SLC30A8: variants seen among roughly 807,000 people sequenced by gnomAD.
SLC30A8 encodes proton-coupled zinc antiporter SLC30A8.
In SLC30A8, 27 loss-of-function variants were observed where a neutral mutation model predicts 36.9. The observed-to-expected ratio is 0.73, with a 90% CI of 0.54 to 1.01. SLC30A8 has a LOEUF of 1.01. Among genes scored for constraint, SLC30A8 ranks in the 50% least tolerant of loss-of-function variants. The probability of loss-of-function intolerance (pLI) is 0.00; values close to 1 mark genes in which losing one functional copy is unlikely to be tolerated. For missense variants in SLC30A8, 439 were observed against 452.0 expected, an observed-to-expected ratio of 0.97 and a Z score of 0.26; for synonymous variants, 164 against 172.4, an observed-to-expected ratio of 0.95 and a Z score of 0.38.
chr8:117,110,209 C>G, intron 2 of SLC30A8, among the ~76,000 whole-genome samples: 1 of 152,060 alleles, frequency 6.6e-6, no homozygotes, highest in East Asian at 1.9e-4. Flanking sequence ...TTGAGGCTTG[C>G]TCAAATTCTT....
At chr8:117,037,597 C>G (rs935485449) in intron 1 of SLC30A8, among the ~76,000 whole-genome samples, 8 of 152,140 alleles carry the variant, frequency 5.3e-5, no homozygotes, top group African/African-American at 1.7e-4. Flanking sequence ...CATTGAGAAG[C>G]TCCCCCTCCC....
In SLC30A8 at chr8:117,080,182, T is replaced by C. The variant is rs141839971; in HGVS notation, c.-226+40924T>C. ...TTTTTTTTAAGATTCATTTTTACTC[T>C]TGTTTTACAAATAATCCATGGTCAT... On this transcript the variant is annotated intron_variant, in intron 2 of 10. Transcript: ENST00000427715. Among the ~76,000 whole-genome samples the C allele has an allele frequency of 3.4e-3, 520 of 152,312 alleles. 5 individuals are homozygous for C. Among genetic ancestry groups the C allele is most frequent in the African/African-American group, 0.012 (483 of 41,574 alleles).
At chr8:117,166,541 A>G (rs1823064853) in intron 6 of SLC30A8, among the ~76,000 whole-genome samples, 1 of 152,152 alleles carries the variant, frequency 6.6e-6, no homozygotes, top group Admixed American at 6.5e-5. Flanking sequence ...TTGAGTCAGT[A>G]TATCTTATTG....
At chr8:116,984,004 T>G (rs1815360129) in intron 1 of SLC30A8, among the ~76,000 whole-genome samples, 1 of 152,160 alleles carries the variant, frequency 6.6e-6, no homozygotes, top group South Asian at 2.1e-4. Context: ...TTCCTCACCC[T>G]TAACCTCTAG....
chr8:117,044,078 A>G (rs1025449003), intron 2 of SLC30A8, among the ~76,000 whole-genome samples: 1 of 151,970 alleles, frequency 6.6e-6, no homozygotes, highest in African/African-American at 2.4e-5. Context: ...TTGTGAGGGG[A>G]CTCTCATTAG....
Position 116,971,303 on chromosome 8 carries a change from G to GA in SLC30A8, c.-266+20195dup, listed in dbSNP as rs552922981. ...AATGTTATAGAGGCATTCCCTGTAG[G>GA]AAAAAAAAAAACAAAAACACATCAA... On this transcript the variant is annotated intron_variant, in intron 1 of 10. Transcript: ENST00000427715. Among the ~76,000 whole-genome samples the GA allele has an allele frequency of 3.8e-3, 543 of 143,720 alleles. 3 individuals carry two copies. Among genetic ancestry groups the GA allele is most frequent in the Middle Eastern group, 0.011 (3 of 282 alleles). The allele number at this position is 143,720 out of a possible 152,430, so 94.3% of individuals were successfully genotyped here.
chr8:117,053,630 T>C (rs1354199389), intron 2 of SLC30A8, among the ~76,000 whole-genome samples: 1 of 152,134 alleles, frequency 6.6e-6, no homozygotes, highest in African/African-American at 2.4e-5. Flanking sequence ...GACAAGCAAA[T>C]CATGGTAGAA....
intron 2 of SLC30A8, among the ~76,000 whole-genome samples, chr8:117,115,211 A>AT (rs1371812183): frequency 6.6e-6 from 1 of 151,916 alleles, no homozygotes; most frequent in African/African-American, 2.4e-5. Context: ...AACTGTTGGG[A>AT]TTATAGGTGT....
intron 2 of SLC30A8, among the ~76,000 whole-genome samples, chr8:117,044,556 G>T (rs554607861): frequency 1.3e-5 from 2 of 152,186 alleles, no homozygotes; most frequent in African/African-American, 4.8e-5. Context: ...TCCCTAAGGC[G>T]TGTCAGCGGG....
chr8:117,070,694 C>T (rs1420413320), intron 2 of SLC30A8, among the ~76,000 whole-genome samples: 1 of 152,166 alleles, frequency 6.6e-6, no homozygotes, highest in Non-Finnish European at 1.5e-5. Context: ...ATTCCCCTGT[C>T]TATCTAAAAC....
intron 1 of SLC30A8, among the ~76,000 whole-genome samples, chr8:117,037,131 A>C (rs1269124696): frequency 6.6e-6 from 1 of 152,228 alleles, no homozygotes; most frequent in Non-Finnish European, 1.5e-5. Flanking sequence ...ACCTTTAAAA[A>C]AATAGATTCT....
rs765536402 is a variant in SLC30A8 at position 117,161,700 on chromosome 8, G to A, written c.573-38G>A. The stretch of plus-strand genomic sequence containing the variant: ...TTATGCTGCCTACGTTTTTAAGACT[G>A]ACCTCATGTGTGCTAAGAACATTGT... On this transcript the variant is annotated intron_variant, in intron 4 of 7. Coordinates refer to ENST00000456015, the MANE Select transcript of SLC30A8 (RefSeq NM_173851.3). The A allele has an allele frequency of 3.2e-6, 5 of 1,575,574 alleles. No homozygotes were observed. In the East Asian group the frequency reaches 1.1e-4, roughly 36 times the overall value.
At chr8:117,119,716 T>C (rs1206911493) in intron 2 of SLC30A8, among the ~76,000 whole-genome samples, 1 of 151,966 alleles carries the variant, frequency 6.6e-6, no homozygotes, top group African/African-American at 2.4e-5. Flanking sequence ...GTAGAAGCTA[T>C]AGTAGTACAG....
chr8:117,171,144 A>G lies in SLC30A8; in HGVS notation c.940A>G (p.Ile314Val). The change falls in exon 7 of 8, where the codon ATT (isoleucine) becomes GTT (valine). Residue 314 changes from isoleucine (I) to valine (V), a missense_variant. Physicochemically the swap from Ile to Val is conservative, Grantham distance 29. Transcript: ENST00000456015. Reference protein sequence around the residue: ...HIWSLTMNQVILSAHVATAAS... With the variant: ...HIWSLTMNQVVLSAHVATAAS... ...CTGGTCTCTAACAATGAATCAAGTA[A>G]TTCTCTCAGCTCATGTTGCTACAGG... is the stretch of plus-strand genomic sequence containing the variant. 3 of 1,613,522 alleles carry G rather than the reference A, an allele frequency of 1.9e-6. No individual in the cohort carries two copies. Among genetic ancestry groups the G allele is most frequent in the Non-Finnish European group, 2.5e-6 (3 of 1,179,608 alleles).
At chr8:117,058,134 A>G (rs1309127905) in intron 2 of SLC30A8, among the ~76,000 whole-genome samples, 12 of 152,060 alleles carry the variant, frequency 7.9e-5, no homozygotes, top group Non-Finnish European at 1.5e-5. Context: ...ATTTCTCATG[A>G]TTAGTGATGT....
intron 2 of SLC30A8, among the ~76,000 whole-genome samples, chr8:117,055,568 G>C (rs1165203563): frequency 6.6e-6 from 1 of 152,152 alleles, no homozygotes; most frequent in Non-Finnish European, 1.5e-5. Context: ...ATTTCTTGTT[G>C]ATATTTCTTC....
chr8:117,172,138 T>C (rs1270485839), intron 7 of SLC30A8, among the ~76,000 whole-genome samples: 2 of 152,102 alleles, frequency 1.3e-5, no homozygotes, highest in African/African-American at 4.8e-5. Flanking sequence ...CTGGTTCCTG[T>C]CACTATCCTT....
At chr8:117,139,470 T>C (rs1360670698) in intron 1 of SLC30A8, among the ~76,000 whole-genome samples, 1 of 152,138 alleles carries the variant, frequency 6.6e-6, no homozygotes, top group African/African-American at 2.4e-5. Flanking sequence ...AGCTTGATTA[T>C]GGACTTCCAT....
intron 6 of SLC30A8, among the ~76,000 whole-genome samples, chr8:117,170,449 A>G (rs1563642090): frequency 6.6e-6 from 1 of 152,170 alleles, no homozygotes; most frequent in Non-Finnish European, 1.5e-5. Flanking sequence ...ATAAGATGGT[A>G]TTATACAATG....
Sources: allele counts gnomAD v4.1 joint callset (sites outside exome capture counted in the v4.1 genomes callset), GRCh38; gene constraint gnomAD v4.1.1; transcripts MANE v1.5; gene names NCBI Gene and HGNC (gene_info 2026-07-23, HGNC 2026-07-21).